ZBTB16: variants seen among roughly 807,000 people sequenced by gnomAD.
ZBTB16 encodes zinc finger and BTB domain containing 16, also known as zinc finger and BTB domain-containing protein 16.
A neutral mutation model predicts 56.8 loss-of-function variants in ZBTB16; 8 were observed. The ratio of observed to expected loss-of-function variants is 0.14; its 90% CI spans 0.08 to 0.25. ZBTB16 has a LOEUF of 0.25. Ranked by LOEUF, ZBTB16 falls within the 10% of genes least tolerant of loss-of-function variation. The pLI is 1.00. For missense variants in ZBTB16, 625 were observed against 903.0 expected, an observed-to-expected ratio of 0.69 and a Z score of 3.95; for synonymous variants, 363 against 368.5, an observed-to-expected ratio of 0.98 and a Z score of 0.17.
intron 2 of ZBTB16, among the ~76,000 whole-genome samples, chr11:114,073,118 T>C (rs1391918411): frequency 1.3e-5 from 2 of 149,842 alleles, no homozygotes; most frequent in African/African-American, 4.9e-5. Flanking sequence ...GGCTCCATGC[T>C]CTCTGCAGCT....
chr11:114,152,930 A>G (rs1029978414), intron 2 of ZBTB16, among the ~76,000 whole-genome samples: 12 of 152,190 alleles, frequency 7.9e-5, no homozygotes, highest in African/African-American at 2.9e-4. Context: ...GGTGGATAGA[A>G]TTTCCATTTT....
intron 4 of ZBTB16, among the ~76,000 whole-genome samples, chr11:114,230,699 G>A (rs1032307272): frequency 1.3e-5 from 2 of 149,410 alleles, no homozygotes; most frequent in Admixed American, 1.3e-4. Context: ...CTCCTTTTTT[G>A]TTATTTTGTT....
chr11:114,065,685 G>T (rs1194062357), intron 2 of ZBTB16, among the ~76,000 whole-genome samples: 3 of 152,186 alleles, frequency 2.0e-5, no homozygotes, highest in Admixed American at 2.0e-4. Flanking sequence ...CAAAGTGCTG[G>T]ATTACAGGTA....
At chr11:114,131,507 G>A (rs1941659325) in intron 2 of ZBTB16, among the ~76,000 whole-genome samples, 1 of 152,030 alleles carries the variant, frequency 6.6e-6, no homozygotes, top group South Asian at 2.1e-4. Context: ...AACAAATAGG[G>A]AAGCCTGCCA....
At chr11:114,179,654 CT>C (rs932034590) in intron 3 of ZBTB16, among the ~76,000 whole-genome samples, 3 of 151,830 alleles carry the variant, frequency 2.0e-5, no homozygotes, top group Non-Finnish European at 4.4e-5. Context: ...TTCAGTGGTT[CT>C]TTTTTTTCTC....
intron 5 of ZBTB16, 132 bp from the exon 6 acceptor site, chr11:114,247,066 G>A: frequency 8.7e-7 from 1 of 1,151,560 alleles, no homozygotes; most frequent in South Asian, 1.3e-5. Flanking sequence ...TGTGGCCGTG[G>A]ATCCTTAAGT....
rs1565663129 is a variant in ZBTB16, at chr11:114,167,231, G to GTTTTTTTTTTTTTTTT, written c.1366+10797_1366+10798insTTTTTTTTTTTTTTTT. On this transcript the variant is annotated intron_variant, in intron 3 of 6. Coordinates refer to ENST00000335953, the MANE Select transcript of ZBTB16 (RefSeq NM_006006.6). ...TGGATTTGTGGTTTTTTTTTTTTTTGGTTTTTTTTTTTTTTTTTTTTTGAC... is the reference window on the plus strand; with the variant it reads ...TGGATTTGTGGTTTTTTTTTTTTTTGTTTTTTTTTTTTTTTTGTTTTTTTTTTTTTTTTTTTTTGAC... 2.5e-4 allele frequency among the ~76,000 whole-genome samples: 11 copies of GTTTTTTTTTTTTTTTT among 43,202 alleles called. No individual in the cohort carries two copies. The East Asian group carries it at 6.0e-3, about 24-fold the overall frequency. 28.3% of individuals were successfully genotyped at this position (43,202 alleles called of 152,430 possible). A position where few individuals can be genotyped will look rare whatever the true frequency, so the allele number is the denominator to read the frequency against.
At chr11:114,078,927 C>T (rs916482460) in intron 2 of ZBTB16, among the ~76,000 whole-genome samples, 1 of 151,820 alleles carries the variant, frequency 6.6e-6, no homozygotes, top group Non-Finnish European at 1.5e-5. Context: ...TGGCAGGTGC[C>T]TGTAATCCCA....
intron 2 of ZBTB16, among the ~76,000 whole-genome samples, chr11:114,150,624 C>T (rs930615654): frequency 2.0e-5 from 3 of 152,146 alleles, no homozygotes; most frequent in Non-Finnish European, 2.9e-5. Flanking sequence ...CACAGAATGC[C>T]GTTGACTATT....
At chr11:114,099,759 A>T (rs1940544314) in intron 2 of ZBTB16, among the ~76,000 whole-genome samples, 1 of 152,226 alleles carries the variant, frequency 6.6e-6, no homozygotes, top group African/African-American at 2.4e-5. Flanking sequence ...AACAGAAGCG[A>T]TGATACAACT....
chr11:114,078,760 T>C (rs531619722), intron 2 of ZBTB16, among the ~76,000 whole-genome samples: 34 of 152,154 alleles, frequency 2.2e-4, no homozygotes, highest in African/African-American at 7.2e-4. Flanking sequence ...TGGTATTTTC[T>C]AGGGACAGTA....
chr11:114,160,147 G>T (rs1942546962), intron 3 of ZBTB16, among the ~76,000 whole-genome samples: 4 of 152,330 alleles, frequency 2.6e-5, no homozygotes, highest in African/African-American at 7.2e-5. Flanking sequence ...AGCATTGCCT[G>T]TGTTTGTTAT....
chr11:114,210,103 C>A, intron 4 of ZBTB16: 1 of 273,170 alleles, frequency 3.7e-6, no homozygotes, highest in Non-Finnish European at 5.6e-6. Context: ...ACTCTGCACT[C>A]TGTGAAACAT....
chr11:114,183,679 C>G (rs1165970775), intron 3 of ZBTB16, among the ~76,000 whole-genome samples: 2 of 152,202 alleles, frequency 1.3e-5, no homozygotes, highest in South Asian at 2.1e-4. Context: ...AAATCAGATT[C>G]CTTACAGATC....
chr11:114,060,443 C>G lies in ZBTB16; in HGVS notation c.-91+561C>G, dbSNP rs1376119444. 2.0e-5 allele frequency: 3 copies of G among 152,148 alleles called. No homozygotes were observed. Among genetic ancestry groups the G allele is most frequent in the African/African-American group, 7.2e-5 (3 of 41,428 alleles). 9.4% of individuals were successfully genotyped at this position (152,148 alleles called of 1,614,324 possible). A position where few individuals can be genotyped will look rare whatever the true frequency, so the allele number is the denominator to read the frequency against. ...TTTGAGAAAACGTGGTGGGCTTTTTCTTGATTGGACTTGATCCCCACCCCC... is the reference window on the plus strand; with the variant it reads ...TTTGAGAAAACGTGGTGGGCTTTTTGTTGATTGGACTTGATCCCCACCCCC... On this transcript the variant is annotated intron_variant, in intron 1 of 6. Coordinates refer to ENST00000335953, the MANE Select transcript of ZBTB16 (RefSeq NM_006006.6). The surrounding 1 kb of genome is among the most constrained non-coding windows in gnomAD (Gnocchi z 6.0).
intron 4 of ZBTB16, among the ~76,000 whole-genome samples, chr11:114,238,037 C>A (rs1944628667): frequency 1.3e-5 from 2 of 152,186 alleles, no homozygotes; most frequent in African/African-American, 4.8e-5. Context: ...TCCTTTCCAG[C>A]TGGTGACCAT....
chr11:114,138,568 C>G (rs1433358809), intron 2 of ZBTB16, among the ~76,000 whole-genome samples: 1 of 152,066 alleles, frequency 6.6e-6, no homozygotes, highest in Non-Finnish European at 1.5e-5. Flanking sequence ...TATTATGTTT[C>G]TTTGAATCTC....
intron 2 of ZBTB16, among the ~76,000 whole-genome samples, chr11:114,121,418 G>A (rs980644879): frequency 6.6e-6 from 1 of 152,108 alleles, no homozygotes; most frequent in African/African-American, 2.4e-5. Context: ...CAGTAAGGTG[G>A]GGAGGTCATT....
Position 114,064,384 on chromosome 11 carries a change from C to T in ZBTB16, c.1084C>T (p.Leu362=), listed in dbSNP as rs1355032612. The part of the protein sequence containing the change: ...VTSGLHVQPA[L]AVSMDFSTYG... Reference sequence around the variant, plus strand: ...CTCTGGCCTCCACGTGCAGCCTGCCCTGGCTGTCTCCATGGACTTCAGCAC... The same window carrying T: ...CTCTGGCCTCCACGTGCAGCCTGCCTTGGCTGTCTCCATGGACTTCAGCAC... Residue 362 remains leucine (L), a synonymous_variant, in exon 2 of 7, where the codon CTG becomes TTG. Coordinates refer to ENST00000335953, the MANE Select transcript of ZBTB16 (RefSeq NM_006006.6). This position sits in a 1 kb window ranked among gnomAD's most constrained non-coding sequence, Gnocchi z 4.2. 4 of 1,614,002 alleles carry T rather than the reference C, an allele frequency of 2.5e-6. No homozygotes were observed. The South Asian group carries it at 4.4e-5, about 18-fold the overall frequency.
Sources: allele counts gnomAD v4.1 joint callset (sites outside exome capture counted in the v4.1 genomes callset), GRCh38; gene constraint gnomAD v4.1.1; non-coding constraint Gnocchi (gnomAD v3.1); transcripts MANE v1.5; gene names NCBI Gene and HGNC (gene_info 2026-07-23, HGNC 2026-07-21).